TARM1: variants seen among roughly 807,000 people sequenced by gnomAD.
TARM1 encodes the protein T cell-interacting, activating receptor on myeloid cells 1, also known as T-cell-interacting, activating receptor on myeloid cells protein 1.
A neutral mutation model predicts 30.4 loss-of-function variants in TARM1; 24 were observed. That is an observed-to-expected ratio of 0.79 (90% CI 0.57 to 1.11). The LOEUF is 1.11. TARM1 is among the 50% of genes least tolerant of loss of function. The pLI is 0.00. For synonymous variants in TARM1, 129 were observed against 138.9 expected (o/e 0.93, Z 0.50); for missense variants, 323 against 332.8 (o/e 0.97, Z 0.23).
rs1436092829 is a variant in TARM1 at position 54,074,845 on chromosome 19, C to CG, written c.339dup (p.Val114ArgfsTer12). 9 of 1,551,416 alleles carry CG rather than the reference C, an allele frequency of 5.8e-6. No homozygotes were observed. The highest frequency in any genetic ancestry group is 1.7e-6 in the Non-Finnish European group (2 of 1,146,938). Reference sequence around the variant, plus strand: ...GTACCTGTCACCAACAGTAGAAGGACGTCACTGTGCTGTGAAAGGATGTGG... The same window carrying CG: ...GTACCTGTCACCAACAGTAGAAGGACGGTCACTGTGCTGTGAAAGGATGTGG... On this transcript the variant is annotated frameshift_variant, in exon 3 of 5. Transcript: ENST00000432826.
intron 1 of TARM1, among the ~76,000 whole-genome samples, chr19:54,078,274 T>C (rs952075722): frequency 7.6e-6 from 1 of 131,570 alleles, no homozygotes. Context: ...CAGCATCAAC[T>C]CCCTGGGCTC....
intron 4 of TARM1, among the ~76,000 whole-genome samples, chr19:54,070,706 G>A (rs377466548): frequency 3.1e-4 from 47 of 151,422 alleles, no homozygotes; most frequent in African/African-American, 1.1e-3. Flanking sequence ...TCTGCCTCCC[G>A]GGTTCAAGTG....
intron 4 of TARM1, among the ~76,000 whole-genome samples, chr19:54,072,511 A>AT (rs1235866701): frequency 1.3e-3 from 203 of 151,970 alleles, no homozygotes; most frequent in African/African-American, 4.5e-3. Context: ...GGATGAGATA[A>AT]TTTTTTTTTT....
chr19:54,076,082 C>T (rs146722980), intron 1 of TARM1, 164 bp from the exon 2 acceptor site: 18 of 1,449,068 alleles, frequency 1.2e-5, no homozygotes, highest in African/African-American at 5.7e-5. Flanking sequence ...GGCTTCTGCT[C>T]GACTTCCAGC....
Position 54,074,151 on chromosome 19 carries a change from T to TC in TARM1, c.426dup (p.Thr143AspfsTer70). On this transcript the variant is annotated frameshift_variant, in exon 4 of 5. Coordinates refer to ENST00000432826, the MANE Select transcript of TARM1 (RefSeq NM_001135686.3). ...TGGTCTCGCTTCTGGCACTGCAGAG[T>TC]CACCCTTCCACCTGCGGTCACTGTA... 6.4e-7 allele frequency: 1 copy of TC among 1,551,512 alleles called. No individual in the cohort carries two copies. The highest frequency in any genetic ancestry group is 2.4e-5 in the East Asian group (1 of 40,914).
At chr19:54,076,757 C>T (rs368309791) in intron 1 of TARM1, among the ~76,000 whole-genome samples, 18 of 151,994 alleles carry the variant, frequency 1.2e-4, no homozygotes, top group African/African-American at 3.9e-4. Flanking sequence ...CATCATGGCT[C>T]ACTGTAGCCT....
chr19:54,070,219 GC>G, intron 4 of TARM1, 59 bp from the exon 5 acceptor site: 1 of 1,511,664 alleles, frequency 6.6e-7, no homozygotes, highest in South Asian at 1.3e-5. Context: ...TTCTCAAATG[GC>G]CCCACCAAAT....
chr19:54,080,842 G>A (rs927502972), intron 1 of TARM1, among the ~76,000 whole-genome samples: 6 of 151,792 alleles, frequency 4.0e-5, no homozygotes, highest in South Asian at 2.1e-4. Flanking sequence ...GCATGGTGGC[G>A]CACCCCTGTA....
intron 1 of TARM1, among the ~76,000 whole-genome samples, chr19:54,079,449 G>A (rs185775446): frequency 9.2e-5 from 14 of 152,258 alleles, no homozygotes; most frequent in East Asian, 5.8e-4. Flanking sequence ...ATTTCTGGGC[G>A]TGTCTGTGAG....
chr19:54,079,137 G>A (rs1036329901), intron 1 of TARM1, among the ~76,000 whole-genome samples: 34 of 149,132 alleles, frequency 2.3e-4, no homozygotes, highest in Non-Finnish European at 1.3e-4. Context: ...GGTGGTGAGC[G>A]CCAGTGATCC....
intron 1 of TARM1, 28 bp downstream of exon 1, chr19:54,081,279 T>C (rs1259615923): frequency 6.5e-7 from 1 of 1,546,906 alleles, no homozygotes; most frequent in Non-Finnish European, 8.7e-7. Flanking sequence ...TTTTCTGCAG[T>C]CCCAGTGGAT....
intron 1 of TARM1, among the ~76,000 whole-genome samples, chr19:54,077,053 A>AT (rs111899856): frequency 0.017 from 2,548 of 151,960 alleles, 71 homozygotes; most frequent in African/African-American, 0.057. Flanking sequence ...CTCCTTTTTA[A>AT]TTTTTTTTGA....
At chr19:54,073,340 T>C (rs1490989694) in intron 4 of TARM1, among the ~76,000 whole-genome samples, 3 of 118,206 alleles carry the variant, frequency 2.5e-5, no homozygotes, top group Non-Finnish European at 3.2e-5. Context: ...ACCTGGAAGG[T>C]GGAGGTTGCA....
chr19:54,080,603 A>G (rs937638406), intron 1 of TARM1, among the ~76,000 whole-genome samples: 2 of 151,946 alleles, frequency 1.3e-5, no homozygotes, highest in African/African-American at 4.8e-5. Context: ...TTTAGTGTAG[A>G]TAGTGGTGAT....
chr19:54,069,989 G>T lies in TARM1; in HGVS notation c.*14C>A. 1 of 1,545,992 alleles carries T rather than the reference G, an allele frequency of 6.5e-7. No homozygotes were observed. The highest frequency in any genetic ancestry group is 1.2e-5 in the South Asian group (1 of 83,856). On this transcript the variant is annotated 3_prime_UTR_variant, in exon 5 of 5. Coordinates refer to ENST00000432826, the MANE Select transcript of TARM1 (RefSeq NM_001135686.3). The stretch of plus-strand genomic sequence containing the variant: ...TTGCAGCCTCAGTTTACCCAGCCCC[G>T]GTTCAAGATGGAGTCACTCTGGTTT...
Position 54,074,945 on chromosome 19 carries a change from G to T in TARM1, c.240C>A (p.Ala80=), listed in dbSNP as rs752531995. ...CTTTTAGATTATTGAGGTGAAATTCGGCCGCGCCCTCTGTAGAATCAAGGG... is the reference window on the plus strand; with the variant it reads ...CTTTTAGATTATTGAGGTGAAATTCTGCCGCGCCCTCTGTAGAATCAAGGG... ...PKPLDSTEGA[A]EFHLNNLKVR... Residue 80 remains alanine (A), a synonymous_variant, in exon 3 of 5, where the codon GCC becomes GCA. Coordinates refer to ENST00000432826, the MANE Select transcript of TARM1 (RefSeq NM_001135686.3). 6.4e-7 allele frequency: 1 copy of T among 1,551,456 alleles called. No individual in the cohort carries two copies. Among genetic ancestry groups the T allele is most frequent in the Admixed American group, 2.0e-5 (1 of 50,966 alleles).
At chr19:54,081,010 A>C (rs1332195009) in intron 1 of TARM1, among the ~76,000 whole-genome samples, 1 of 152,126 alleles carries the variant, frequency 6.6e-6, no homozygotes, top group Admixed American at 6.6e-5. Context: ...TAAGGTTTCT[A>C]TTCTGAATAC....
chr19:54,080,496 G>GAGGAAGGAAGGAAGGA lies in TARM1; in HGVS notation c.34+795_34+810dup, dbSNP rs58067817. On this transcript the variant is annotated intron_variant, in intron 1 of 4. Transcript: ENST00000432826. ...AGAAAGAGAGAGAGAGGAAGGAAGGGAGGAAGGAAGGAAGGAAGGAAGGAA... is the reference window on the plus strand; with the variant it reads ...AGAAAGAGAGAGAGAGGAAGGAAGGGAGGAAGGAAGGAAGGAAGGAAGGAAGGAAGGAAGGAAGGAA... Among the ~76,000 whole-genome samples the GAGGAAGGAAGGAAGGA allele has an allele frequency of 3.5e-3, 378 of 107,416 alleles. 3 individuals carry two copies. Among genetic ancestry groups the GAGGAAGGAAGGAAGGA allele is most frequent in the East Asian group, 6.5e-3 (25 of 3,822 alleles). The allele number at this position is 107,416 out of a possible 152,430, so 70.5% of individuals were successfully genotyped here. A position where few individuals can be genotyped will look rare whatever the true frequency, so the allele number is the denominator to read the frequency against.
intron 1 of TARM1, 175 bp from the exon 2 acceptor site, chr19:54,076,093 T>C: frequency 6.9e-7 from 1 of 1,456,896 alleles, no homozygotes; most frequent in Non-Finnish European, 9.1e-7. Flanking sequence ...GACTTCCAGC[T>C]CCTCCATCCT....
Sources: gnomAD v4.1 joint callset for allele counts (sites outside exome capture counted in the v4.1 genomes callset) on GRCh38, gnomAD v4.1.1 for gene constraint, MANE v1.5 for transcripts, NCBI Gene and HGNC (gene_info 2026-07-23, HGNC 2026-07-21) for gene names.